Variants in VSNL1 observed in about 807,000 individuals in gnomAD.
The protein encoded by VSNL1 is visinin like 1.
Under a neutral mutation model 20.4 loss-of-function variants are expected in VSNL1, and 6 were observed. That is an observed-to-expected ratio of 0.29 (90% confidence interval 0.16 to 0.58). The LOEUF is 0.58. Among genes scored for constraint, VSNL1 ranks in the 20% least tolerant of loss-of-function variants. The pLI, the probability that VSNL1 is intolerant of heterozygous loss-of-function variation, is 0.90. For missense variants in VSNL1, 100 were observed against 234.5 expected (o/e 0.43, Z 3.75); for synonymous variants, 93 against 86.4 (o/e 1.08, Z -0.42).
intron 3 of VSNL1, among the ~76,000 whole-genome samples, chr2:17,653,828 T>A (rs2555101): frequency 0.36 from 54,009 of 152,086 alleles, 10,514 homozygotes; most frequent in African/African-American, 0.48. Flanking sequence ...ACCATCACCA[T>A]AATGTAAATT....
intron 1 of VSNL1, among the ~76,000 whole-genome samples, chr2:17,574,550 A>C (rs1664161168): frequency 6.6e-6 from 1 of 152,236 alleles, no homozygotes; most frequent in Non-Finnish European, 1.5e-5. Context: ...TCAAAAAAGC[A>C]ATCAAATACA....
At chr2:17,557,166 G>A (rs1663703617) in intron 1 of VSNL1, among the ~76,000 whole-genome samples, 1 of 152,156 alleles carries the variant, frequency 6.6e-6, no homozygotes, top group Non-Finnish European at 1.5e-5. Context: ...CCTATTTGAG[G>A]TGAAGAAATT....
At chr2:17,630,425 T>A (rs944335920) in intron 2 of VSNL1, among the ~76,000 whole-genome samples, 21 of 152,260 alleles carry the variant, frequency 1.4e-4, no homozygotes, top group African/African-American at 5.1e-4. Context: ...AGCAAGTGGA[T>A]GTTCCTTGTT....
chr2:17,561,422 G>T (rs1414134775), intron 1 of VSNL1, among the ~76,000 whole-genome samples: 1 of 152,122 alleles, frequency 6.6e-6, no homozygotes, highest in Admixed American at 6.6e-5. Flanking sequence ...AAAGGGACTT[G>T]GGTGAATGGC....
intron 1 of VSNL1, among the ~76,000 whole-genome samples, chr2:17,563,046 G>C (rs1663855352): frequency 6.6e-6 from 1 of 152,088 alleles, no homozygotes; most frequent in African/African-American, 2.4e-5. Flanking sequence ...CTTGAAGTAT[G>C]AATAGAGCCA....
intron 1 of VSNL1, among the ~76,000 whole-genome samples, chr2:17,588,768 T>C (rs953982557): frequency 6.6e-6 from 1 of 152,302 alleles, no homozygotes; most frequent in Admixed American, 6.5e-5. Flanking sequence ...TTAAATGAAA[T>C]ATTTCTCCCA....
chr2:17,618,980 G>A (rs544664650), intron 2 of VSNL1, among the ~76,000 whole-genome samples: 16 of 152,216 alleles, frequency 1.1e-4, no homozygotes, highest in African/African-American at 3.6e-4. Context: ...TCAGTGGTGG[G>A]GTCGGGGTTG....
Position 17,640,270 on chromosome 2 carries a change from G to GAAAGA in VSNL1, c.163-9127_163-9123dup, listed in dbSNP as rs1169416567. 2.1e-3 allele frequency among the ~76,000 whole-genome samples: 298 copies of GAAAGA among 138,608 alleles called. 1 individual carries two copies. Among genetic ancestry groups the GAAAGA allele is most frequent in the African/African-American group, 7.7e-3 (290 of 37,422 alleles). 90.9% of individuals were successfully genotyped at this position (138,608 alleles called of 152,430 possible). On this transcript the variant is annotated intron_variant, in intron 2 of 3. Coordinates refer to ENST00000295156, the MANE Select transcript of VSNL1 (RefSeq NM_003385.5). Reference sequence around the variant, plus strand: ...TCTGTTTCAAAAAAAAAAAAAAAAAGAAAGAAAAGAAAAGAAACTAAAGCT... The same window carrying GAAAGA: ...TCTGTTTCAAAAAAAAAAAAAAAAAGAAAGAAAAGAAAAGAAAAGAAACTAAAGCT...
At chr2:17,622,552 GAAAGA>G (rs1288779254) in intron 2 of VSNL1, among the ~76,000 whole-genome samples, 2 of 88,560 alleles carry the variant, frequency 2.3e-5, no homozygotes, top group African/African-American at 8.0e-5. Context: ...AAGAAAGAAA[GAAAGA>G]AAGAAAGAAA....
chr2:17,649,741 C>T lies in VSNL1; in HGVS notation c.378+116C>T, dbSNP rs1289136578. 1.2e-4 allele frequency: 113 copies of T among 971,880 alleles called. No homozygotes were observed. 60.2% of individuals were successfully genotyped at this position (971,880 alleles called of 1,614,324 possible). ...CTCTGCTCGAGCCCTGCCAGCTGCA[C>T]ACCACGCCTGGACTTCTCCTGCTTC... On this transcript the variant is annotated intron_variant, in intron 3 of 3. Transcript: ENST00000295156. The surrounding 1 kb of genome is among the most constrained non-coding windows in gnomAD (Gnocchi z 6.4).
At chr2:17,571,354 T>C (rs76949993) in intron 1 of VSNL1, among the ~76,000 whole-genome samples, 5,021 of 152,266 alleles carry the variant, frequency 0.033, 86 homozygotes, top group East Asian at 0.097. Context: ...AGTTCTTCCT[T>C]GAGGTTGCTA....
At chr2:17,614,852 CCT>C (rs1558300860) in intron 2 of VSNL1, among the ~76,000 whole-genome samples, 2 of 152,190 alleles carry the variant, frequency 1.3e-5, no homozygotes, top group African/African-American at 4.8e-5. Context: ...TTTCAGTGAG[CCT>C]CTGTTTCCTC....
intron 1 of VSNL1, among the ~76,000 whole-genome samples, chr2:17,555,480 C>T (rs1310744464): frequency 1.3e-5 from 2 of 152,108 alleles, no homozygotes; most frequent in Non-Finnish European, 2.9e-5. Context: ...TCATCATTAT[C>T]ACCTTCATAA....
rs149962912 is a variant in VSNL1, at chr2:17,585,666, C to G, written c.-5-6404C>G. ...CTCATCCCAGCTCTGCCATCAGCTG[C>G]CCATGTGATCTGGGAAAATTCATCA... On this transcript the variant is annotated intron_variant, in intron 1 of 3. Transcript: ENST00000295156. Among the ~76,000 whole-genome samples the G allele has an allele frequency of 5.3e-3, 813 of 152,210 alleles. 3 individuals are homozygous for G. The highest frequency in any genetic ancestry group is 0.014 in the Middle Eastern group (4 of 294).
chr2:17,633,578 C>G (rs910722925), intron 2 of VSNL1, among the ~76,000 whole-genome samples: 7 of 152,066 alleles, frequency 4.6e-5, no homozygotes, highest in African/African-American at 1.4e-4. Context: ...GCAGAGGCCA[C>G]CTTCACCTAT....
chr2:17,582,731 A>T (rs1572346332), intron 1 of VSNL1, among the ~76,000 whole-genome samples: 1 of 152,126 alleles, frequency 6.6e-6, no homozygotes, highest in East Asian at 2.0e-4. Flanking sequence ...TCATGTTTGC[A>T]TAGTATGTTG....
chr2:17,544,394 A>G (rs908490996), intron 1 of VSNL1, among the ~76,000 whole-genome samples: 3 of 152,154 alleles, frequency 2.0e-5, no homozygotes, highest in Non-Finnish European at 4.4e-5. Flanking sequence ...TCTGAACACC[A>G]GATAGATAGC....
intron 2 of VSNL1, among the ~76,000 whole-genome samples, chr2:17,640,744 G>A (rs1321992425): frequency 6.6e-6 from 1 of 152,066 alleles, no homozygotes; most frequent in Non-Finnish European, 1.5e-5. Flanking sequence ...GTGGGATACA[G>A]ATGATATTTT....
At chr2:17,632,307 T>G (rs1216925538) in intron 2 of VSNL1, among the ~76,000 whole-genome samples, 2 of 152,078 alleles carry the variant, frequency 1.3e-5, no homozygotes, top group African/African-American at 4.8e-5. Context: ...TGATTTTGTT[T>G]GTTTGTTTGC....
Sources: gnomAD v4.1 joint callset for allele counts (sites outside exome capture counted in the v4.1 genomes callset) on GRCh38, gnomAD v4.1.1 for gene constraint, Gnocchi (gnomAD v3.1) non-coding constraint, MANE v1.5 for transcripts, NCBI Gene and HGNC (gene_info 2026-07-23, HGNC 2026-07-21) for gene names.